SLC38A8: variants seen among roughly 807,000 people sequenced by gnomAD.
The protein encoded by SLC38A8 is solute carrier family 38 member 8, also known as amino acid transporter SLC38A8.
SLC38A8 carries 65 observed loss-of-function variants against 46.0 expected under a neutral mutation model. The observed-to-expected ratio is 1.41, with a 90% confidence interval of 1.16 to 1.74. The LOEUF (loss-of-function observed/expected upper bound fraction) is 1.74. SLC38A8 is among the 40% of genes most tolerant of loss of function. SLC38A8 has a pLI of 0.00. For missense variants in SLC38A8, 998 were observed against 567.9 expected, an observed-to-expected ratio of 1.76 and a Z score of -7.70; for synonymous variants, 447 against 243.7, an observed-to-expected ratio of 1.83 and a Z score of -7.77.
chr16:84,014,120 A>G lies in SLC38A8; in HGVS notation c.1163-1068T>C, dbSNP rs1377941946. 2.7e-5 allele frequency among the ~76,000 whole-genome samples: 4 copies of G among 147,130 alleles called. No individual in the cohort carries two copies. The East Asian group carries it at 8.2e-4, about 30-fold the overall frequency. The stretch of plus-strand genomic sequence containing the variant: ...ATGCATGGCCACACCCCTCACCTCT[A>G]AAACCTCCTCTCAGAGCCTGAGGGA... On this transcript the variant is annotated intron_variant, in intron 9 of 10. Coordinates refer to ENST00000299709, the MANE Select transcript of SLC38A8 (RefSeq NM_001080442.3).
intron 7 of SLC38A8, among the ~76,000 whole-genome samples, chr16:84,021,704 C>G (rs1247160412): frequency 6.6e-6 from 1 of 152,242 alleles, no homozygotes; most frequent in Non-Finnish European, 1.5e-5. Flanking sequence ...ATCAACACCC[C>G]ACTCTTGATA....
At chr16:84,018,352 C>T (rs1567692787) in intron 7 of SLC38A8, among the ~76,000 whole-genome samples, 2 of 151,080 alleles carry the variant, frequency 1.3e-5, no homozygotes, top group African/African-American at 4.9e-5. Flanking sequence ...CCTGCCCTAG[C>T]CTCCTGAGTA....
chr16:84,033,192 TA>T, intron 4 of SLC38A8, 135 bp downstream of exon 4: 1 of 1,173,892 alleles, frequency 8.5e-7, no homozygotes. Context: ...TTTACTTGTA[TA>T]ATTTTTTTTT....
intron 5 of SLC38A8, among the ~76,000 whole-genome samples, chr16:84,030,293 G>C (rs1457235530): frequency 6.6e-6 from 1 of 152,124 alleles, no homozygotes; most frequent in African/African-American, 2.4e-5. Flanking sequence ...TTGATCACTT[G>C]TCACAACAGC....
Position 84,031,900 on chromosome 16 carries a change from T to G in SLC38A8, c.599A>C (p.Gln200Pro), listed in dbSNP as rs1268744843. 6.2e-7 allele frequency: 1 copy of G among 1,614,160 alleles called. No individual in the cohort carries two copies. The highest frequency in any genetic ancestry group is 8.5e-7 in the Non-Finnish European group (1 of 1,180,016). ...VITVQYYLWP[Q>P]GLVRESHPSL... The stretch of plus-strand genomic sequence containing the variant: ...AGGATGGGACTCACGCACGAGGCCC[T>G]GGGGCCAGAGGTAGTACTGCACGGT... The change falls in exon 5 of 11, where the codon CAG becomes CCG. Residue 200 changes from glutamine to proline, a missense_variant. By Grantham distance (76) the Gln-to-Pro change is moderately conservative. Transcript: ENST00000299709.
chr16:84,032,450 G>A (rs979920704), intron 4 of SLC38A8, among the ~76,000 whole-genome samples: 1 of 152,256 alleles, frequency 6.6e-6, no homozygotes, highest in African/African-American at 2.4e-5. Flanking sequence ...GCCTCCCAAA[G>A]TGCTGGAATT....
chr16:84,016,706 C>G lies in SLC38A8; in HGVS notation c.975G>C (p.Trp325Cys), dbSNP rs149375622. ...FLGRSVMQDF[W>C]RRSCLGGWGP... ...CCCATCCCCCCAAGCAGCTCCTCCT[C>G]CAGAAGTCCTGCATCACTGACCTGG... The change falls in exon 9 of 11, where the codon TGG (tryptophan) becomes TGC (cysteine). Residue 325 changes from tryptophan (W) to cysteine (C), a missense_variant. By Grantham distance (215) the Trp-to-Cys change is radical. Coordinates refer to ENST00000299709, the MANE Select transcript of SLC38A8 (RefSeq NM_001080442.3). The G allele has an allele frequency of 3.1e-6, 5 of 1,612,874 alleles. No homozygotes were observed. The highest frequency in any genetic ancestry group is 3.4e-6 in the Non-Finnish European group (4 of 1,179,910).
intron 8 of SLC38A8, among the ~76,000 whole-genome samples, 186 bp downstream of exon 8, chr16:84,016,954 T>C (rs1293166338): frequency 1.3e-5 from 2 of 152,222 alleles, no homozygotes; most frequent in Admixed American, 6.5e-5. Flanking sequence ...CAGTCCTGGC[T>C]GTGGACACAC....
intron 2 of SLC38A8, among the ~76,000 whole-genome samples, chr16:84,041,518 G>A (rs749253653): frequency 6.6e-6 from 1 of 152,112 alleles, no homozygotes; most frequent in African/African-American, 2.4e-5. Flanking sequence ...TCACCATATG[G>A]GCCAGGCTGG....
chr16:84,024,986 A>AT (rs199656290), intron 6 of SLC38A8, among the ~76,000 whole-genome samples: 6 of 152,038 alleles, frequency 3.9e-5, no homozygotes, highest in Non-Finnish European at 8.8e-5. Flanking sequence ...CAGTGCAAGA[A>AT]TTTTTTTAAC....
At chr16:84,042,934 G>A (rs1273979038), upstream of SLC38A8, among the ~76,000 whole-genome samples, 1 of 152,184 alleles carries the variant, frequency 6.6e-6, no homozygotes, top group African/African-American at 2.4e-5. Context: ...GAGCCACACG[G>A]GGCAGGGGAG....
chr16:84,016,760 A>T (rs1260352653), intron 8 of SLC38A8, 33 bp from the exon 9 acceptor site: 3 of 1,596,004 alleles, frequency 1.9e-6, no homozygotes, highest in Middle Eastern at 2.2e-4. Context: ...ACACATGGGC[A>T]TCTCAGGGGC....
chr16:84,016,596 G>A lies in SLC38A8; in HGVS notation c.1085C>T (p.Ala362Val), dbSNP rs138951168. 4.3e-5 allele frequency: 70 copies of A among 1,613,976 alleles called. No individual in the cohort carries two copies. The highest frequency in any genetic ancestry group is 4.0e-4 in the African/African-American group (30 of 75,060). ...ILWVTVTLAM[A>V]LFMPDLSEIV... ...CTCGCTGAGGTCAGGCATAAACAGC[G>A]CCATGGCGAGCGTCACGGTGACCCA... Residue 362 changes from alanine to valine, a missense_variant, in exon 9 of 11, where the codon GCG becomes GTG. Ala to Val is a moderately conservative substitution (Grantham distance 64, BLOSUM62 0). Transcript: ENST00000299709.
At position 84,012,886 on chromosome 16, in the gene SLC38A8, G is replaced by A. The variant is rs2084970622; in HGVS notation, c.1214+115C>T. On this transcript the variant is annotated intron_variant, in intron 10 of 10. Transcript: ENST00000299709. Reference sequence around the variant, plus strand: ...GAGACTCTCTTCCTGTGGCTCGCAGGTTTCTCACCTGCAGGATGCAGAGGA... The same window carrying A: ...GAGACTCTCTTCCTGTGGCTCGCAGATTTCTCACCTGCAGGATGCAGAGGA... 1.0e-5 allele frequency: 12 copies of A among 1,172,572 alleles called. No homozygotes were observed. The Admixed American group carries it at 1.8e-4, about 18-fold the overall frequency. The allele number at this position is 1,172,572 out of a possible 1,614,324, so 72.6% of individuals were successfully genotyped here.
intron 9 of SLC38A8, among the ~76,000 whole-genome samples, chr16:84,015,576 G>A (rs555211216): frequency 3.8e-4 from 1 of 2,632 alleles, no homozygotes; most frequent in South Asian, 0.071. Flanking sequence ...TGTGCCCCCG[G>A]CGGGGGTTCA....
At position 84,032,289 on chromosome 16, in the gene SLC38A8, A is replaced by G. The variant is rs146238682; in HGVS notation, c.531-321T>C. Among the ~76,000 whole-genome samples, 155 of 152,292 alleles carry G rather than the reference A, an allele frequency of 1.0e-3. 1 individual carries two copies. The highest frequency in any genetic ancestry group is 3.5e-3 in the African/African-American group (144 of 41,568). On this transcript the variant is annotated intron_variant, in intron 4 of 10. Coordinates refer to ENST00000299709, the MANE Select transcript of SLC38A8 (RefSeq NM_001080442.3). Reference sequence around the variant, plus strand: ...CTGCAAACTCTGCCTCCCGGGTTCAAGCAATTCTCCTGCCTCAGCCTCCCG... The same window carrying G: ...CTGCAAACTCTGCCTCCCGGGTTCAGGCAATTCTCCTGCCTCAGCCTCCCG...
chr16:84,026,351 C>G (rs1171212554), intron 6 of SLC38A8, among the ~76,000 whole-genome samples: 1 of 152,184 alleles, frequency 6.6e-6, no homozygotes, highest in Non-Finnish European at 1.5e-5. Flanking sequence ...TTCAGCCTCC[C>G]AAGTAGCTGG....
chr16:84,034,023 C>T (rs1031713750), intron 3 of SLC38A8, among the ~76,000 whole-genome samples: 1 of 152,206 alleles, frequency 6.6e-6, no homozygotes, highest in African/African-American at 2.4e-5. Flanking sequence ...ATAGAATTGG[C>T]TGAGGTTGCT....
At chr16:84,021,215 C>T (rs1203698902) in intron 7 of SLC38A8, among the ~76,000 whole-genome samples, 3 of 152,174 alleles carry the variant, frequency 2.0e-5, no homozygotes, top group Non-Finnish European at 4.4e-5. Context: ...GGTGCCCCGC[C>T]ACCATGCTCG....
Sources: gnomAD v4.1 joint callset for allele counts (sites outside exome capture counted in the v4.1 genomes callset) on GRCh38, gnomAD v4.1.1 for gene constraint, MANE v1.5 for transcripts, NCBI Gene and HGNC (gene_info 2026-07-23, HGNC 2026-07-21) for gene names.